The following MED12L variants were observed in gnomAD, a reference collection of about 807,000 sequenced individuals.
MED12L encodes mediator complex subunit 12L, also known as mediator of RNA polymerase II transcription subunit 12-like protein.
In MED12L, 60 loss-of-function variants were observed where a neutral mutation model predicts 281.3. The observed-to-expected ratio is 0.21, with a 90% CI of 0.17 to 0.26. MED12L has a LOEUF of 0.26. MED12L is among the 10% of genes least tolerant of loss of function. The pLI is 1.00. For missense variants in MED12L, 2,146 were observed against 2,680.9 expected (o/e 0.80, Z 4.41); for synonymous variants, 974 against 987.2 (o/e 0.99, Z 0.25).
At chr3:151,265,956 T>G (rs1307547861) in intron 16 of MED12L, among the ~76,000 whole-genome samples, 1 of 152,202 alleles carries the variant, frequency 6.6e-6, no homozygotes, top group East Asian at 1.9e-4. Flanking sequence ...TGGGCAAGTC[T>G]GATTAGTTCT....
intron 38 of MED12L, among the ~76,000 whole-genome samples, chr3:151,392,468 A>G (rs1307405497): frequency 4.8e-4 from 18 of 37,822 alleles, no homozygotes; most frequent in Non-Finnish European, 7.1e-4. Context: ...CCATCTCAAG[A>G]AAAAAAAAAA....
intron 16 of MED12L, among the ~76,000 whole-genome samples, chr3:151,224,829 T>G (rs1577026489): frequency 6.6e-6 from 1 of 152,204 alleles, no homozygotes; most frequent in East Asian, 1.9e-4. Flanking sequence ...TGATTTCCCC[T>G]TATTGAAATC....
intron 5 of MED12L, among the ~76,000 whole-genome samples, chr3:151,144,738 CCTCTTCACCTCT>C (rs1717536374): frequency 6.6e-6 from 1 of 152,154 alleles, no homozygotes; most frequent in Non-Finnish European, 1.5e-5. Context: ...CATATCTTCA[CCTCTTCACCTCT>C]CTCTTCAGTC....
At chr3:151,136,822 G>A (rs994042007) in intron 5 of MED12L, among the ~76,000 whole-genome samples, 1 of 152,146 alleles carries the variant, frequency 6.6e-6, no homozygotes, top group African/African-American at 2.4e-5. Flanking sequence ...AGTAGAAATT[G>A]TTGCATCTCC....
Position 151,136,415 on chromosome 3 carries a change from G to A in MED12L, c.556+8431G>A, listed in dbSNP as rs376738877. 7.8e-4 allele frequency among the ~76,000 whole-genome samples: 119 copies of A among 152,348 alleles called. 2 individuals are homozygous for A. The South Asian group carries it at 0.023, about 29-fold the overall frequency. On this transcript the variant is annotated intron_variant, in intron 5 of 44. Transcript: ENST00000687756. ...CTTCTATCTCATTTGTCATAAAGGCGATATCTGCCTTGTTTATGCTGAAAG... is the reference window on the plus strand; with the variant it reads ...CTTCTATCTCATTTGTCATAAAGGCAATATCTGCCTTGTTTATGCTGAAAG...
chr3:151,410,108 G>A (rs1396726787), intron 40 of MED12L, among the ~76,000 whole-genome samples: 1 of 152,174 alleles, frequency 6.6e-6, no homozygotes, highest in Non-Finnish European at 1.5e-5. Context: ...CTTACTCTGA[G>A]CTTCGGTTTC....
intron 16 of MED12L, among the ~76,000 whole-genome samples, chr3:151,309,154 C>CACACAA (rs1747141039): frequency 6.6e-6 from 1 of 151,624 alleles, no homozygotes; most frequent in African/African-American, 2.4e-5. Flanking sequence ...CACACACACA[C>CACACAA]ACACAACGTT....
chr3:151,332,644 A>C (rs1220088508), intron 16 of MED12L, among the ~76,000 whole-genome samples: 1 of 152,234 alleles, frequency 6.6e-6, no homozygotes, highest in South Asian at 2.1e-4. Flanking sequence ...AAGTTAATAC[A>C]TATACATACC....
intron 16 of MED12L, among the ~76,000 whole-genome samples, chr3:151,233,785 G>A (rs533736104): frequency 8.5e-5 from 13 of 152,274 alleles, no homozygotes; most frequent in African/African-American, 2.4e-4. Context: ...GAGTCCCACA[G>A]GCATTCTTGG....
rs1001921050 is a variant in MED12L, at chr3:151,433,173, CGTT to C, written c.*373_*375del. 5.0e-5 allele frequency: 8 copies of C among 160,464 alleles called. No individual in the cohort carries two copies. The highest frequency in any genetic ancestry group is 4.0e-4 in the East Asian group (2 of 4,962). The allele number at this position is 160,464 out of a possible 1,614,324, so 9.9% of individuals were successfully genotyped here. A position where few individuals can be genotyped will look rare whatever the true frequency, so the allele number is the denominator to read the frequency against. ...TATGTATTTCATTCATTAATGATGA[CGTT>C]GTTTTTTTTTTTTTAATTTTATTTT... is the stretch of plus-strand genomic sequence containing the variant. On this transcript the variant is annotated 3_prime_UTR_variant, in exon 45 of 45. Transcript: ENST00000687756.
rs1264672441 is a variant in MED12L, at chr3:151,123,107, T to A, written c.396+133T>A. On this transcript the variant is annotated intron_variant, in intron 4 of 44. Transcript: ENST00000687756. The stretch of plus-strand genomic sequence containing the variant: ...CTATTGGCAGGTTTGTGGTCCCAGG[T>A]GGGTGTTACTCCATGCTGTTTTCCC... The A allele has an allele frequency of 8.7e-6, 6 of 690,022 alleles. No homozygotes were observed. The Admixed American group carries it at 1.5e-4, about 17-fold the overall frequency. The allele number at this position is 690,022 out of a possible 1,614,324, so 42.7% of individuals were successfully genotyped here. A position where few individuals can be genotyped will look rare whatever the true frequency, so the allele number is the denominator to read the frequency against.
At chr3:151,168,081 C>G (rs1216344164) in intron 11 of MED12L, among the ~76,000 whole-genome samples, 1 of 152,086 alleles carries the variant, frequency 6.6e-6, no homozygotes, top group Non-Finnish European at 1.5e-5. Context: ...TAAGTTACAG[C>G]ACTCTCAAGA....
chr3:151,112,045 A>G (rs1031835414), intron 2 of MED12L, among the ~76,000 whole-genome samples: 1 of 152,150 alleles, frequency 6.6e-6, no homozygotes, highest in African/African-American at 2.4e-5. Context: ...ATTTTAATAT[A>G]CATTTAATAC....
At chr3:151,326,964 T>A (rs1016558619) in intron 16 of MED12L, 2 of 152,192 alleles carry the variant, frequency 1.3e-5, no homozygotes, top group Non-Finnish European at 2.9e-5. Context: ...TGTTACTGAT[T>A]GTGGGTCAGC....
intron 16 of MED12L, among the ~76,000 whole-genome samples, chr3:151,322,696 C>T (rs1445001714): frequency 6.6e-6 from 1 of 152,102 alleles, no homozygotes; most frequent in African/African-American, 2.4e-5. Context: ...CCTTGAATCT[C>T]TCTTGTTCCT....
rs545657330 is a variant in MED12L at position 151,327,941 on chromosome 3, T to C, written c.2251-22118T>C. The C allele has an allele frequency of 1.3e-5, 17 of 1,287,638 alleles. No homozygotes were observed. In the South Asian group the frequency reaches 2.7e-4, roughly 20 times the overall value. 79.8% of individuals were successfully genotyped at this position (1,287,638 alleles called of 1,614,324 possible). A position where few individuals can be genotyped will look rare whatever the true frequency, so the allele number is the denominator to read the frequency against. On this transcript the variant is annotated intron_variant, in intron 16 of 44. Coordinates refer to ENST00000687756, the MANE Select transcript of MED12L (RefSeq NM_001393769.1). ...TCTTGGTTAAATTTGATTTCCACAT[T>C]ATCTACGGAAGTCTCATCAATAAAT...
intron 16 of MED12L, among the ~76,000 whole-genome samples, chr3:151,330,887 A>C (rs1750275957): frequency 6.6e-6 from 1 of 152,212 alleles, no homozygotes; most frequent in African/African-American, 2.4e-5. Context: ...GCTTCAGCAG[A>C]GGAAAAAAAA....
At chr3:151,416,893 G>A (rs527875523) in intron 43 of MED12L, among the ~76,000 whole-genome samples, 18 of 152,178 alleles carry the variant, frequency 1.2e-4, no homozygotes, top group African/African-American at 2.7e-4. Flanking sequence ...ACTCACAGTC[G>A]GATAGTTCAC....
chr3:151,357,440 T>C (rs1754065414), intron 20 of MED12L, 64 bp downstream of exon 20: 1 of 1,400,944 alleles, frequency 7.1e-7, no homozygotes, highest in Non-Finnish European at 9.5e-7. Context: ...TGATGAAATA[T>C]TATAGTGGCT....
Sources: allele counts gnomAD v4.1 joint callset (sites outside exome capture counted in the v4.1 genomes callset), GRCh38; gene constraint gnomAD v4.1.1; transcripts MANE v1.5; gene names NCBI Gene and HGNC (gene_info 2026-07-23, HGNC 2026-07-21).